Variants in DNAJC25 observed in about 807,000 individuals in gnomAD.
DNAJC25 encodes the protein dnaJ homolog subfamily C member 25.
A neutral mutation model predicts 42.1 loss-of-function variants in DNAJC25; 26 were observed. That is an observed-to-expected ratio of 0.62 (90% CI 0.45 to 0.86). DNAJC25 has a LOEUF of 0.86. DNAJC25 is among the 40% of genes least tolerant of loss of function. DNAJC25 has a pLI of 0.00. For missense variants in DNAJC25, 404 were observed against 459.4 expected (o/e 0.88, Z 1.10); for synonymous variants, 189 against 179.9 (o/e 1.05, Z -0.40).
chr9:111,640,858 G>T (rs1830445141), intron 1 of DNAJC25, among the ~76,000 whole-genome samples: 1 of 116,508 alleles, frequency 8.6e-6, no homozygotes, highest in Admixed American at 8.9e-5. Flanking sequence ...CCCCCGCCCG[G>T]CCAGCCGCCC....
intron 1 of DNAJC25, among the ~76,000 whole-genome samples, chr9:111,638,513 AT>A (rs147422124): frequency 0.027 from 4,058 of 152,098 alleles, 176 homozygotes; most frequent in African/African-American, 0.093. Flanking sequence ...ATAGCTAGTA[AT>A]TTTTTTTCTT....
intron 1 of DNAJC25, among the ~76,000 whole-genome samples, chr9:111,640,495 A>G (rs1259282064): frequency 7.0e-5 from 5 of 71,370 alleles, no homozygotes; most frequent in African/African-American, 1.3e-4. Context: ...GCCTCTTCCC[A>G]GCCGCCATCA....
chr9:111,644,598 C>T (rs79555648), intron 1 of DNAJC25, among the ~76,000 whole-genome samples: 40 of 152,214 alleles, frequency 2.6e-4, no homozygotes, highest in African/African-American at 9.4e-4. Flanking sequence ...TGCAGACAGC[C>T]GGGGCAAAGG....
At chr9:111,632,294 TTA>T (rs1830295678) in intron 1 of DNAJC25, among the ~76,000 whole-genome samples, 1 of 118,898 alleles carries the variant, frequency 8.4e-6, no homozygotes, top group Non-Finnish European at 2.0e-5. Context: ...GGATAGTGAC[TTA>T]TTATGTTGAA....
chr9:111,653,200 G>A lies in DNAJC25; in HGVS notation c.1061G>A (p.Arg354Gln), dbSNP rs752483698. The A allele has an allele frequency of 9.5e-6, 15 of 1,583,546 alleles. No individual in the cohort carries two copies. Among genetic ancestry groups the A allele is most frequent in the Admixed American group, 5.3e-5 (3 of 56,742 alleles). ...TGGATGAAGAATGAAGGGCCTGGGC[G>A]GTTAACATTTGTGGATGACTGAAGA... is the stretch of plus-strand genomic sequence containing the variant. ...RRWMKNEGPG[R>Q]LTFVDD The change falls in exon 4 of 4, where the codon CGG (arginine) becomes CAG (glutamine). Residue 354 changes from arginine to glutamine, a missense_variant. Coordinates refer to ENST00000313525, the MANE Select transcript of DNAJC25 (RefSeq NM_001015882.3).
intron 1 of DNAJC25, among the ~76,000 whole-genome samples, chr9:111,639,464 G>A (rs1222442771): frequency 6.6e-6 from 1 of 152,176 alleles, no homozygotes; most frequent in Non-Finnish European, 1.5e-5. Flanking sequence ...TTACTAGTAT[G>A]TAGGTAATAT....
rs1830460833 is a variant in DNAJC25, at chr9:111,641,381, C to T, written c.337-5726C>T. On this transcript the variant is annotated intron_variant, in intron 1 of 3. Transcript: ENST00000313525. ...GGGGTCAGCCCCCCGCCCGGCCAGC[C>T]GCCCTGTCTGGGAGGGAGGTGGGGG... Among the ~76,000 whole-genome samples, 4 of 144,200 alleles carry T rather than the reference C, an allele frequency of 2.8e-5. No individual in the cohort carries two copies. In the South Asian group the frequency reaches 6.7e-4, roughly 24 times the overall value. The allele number at this position is 144,200 out of a possible 152,430, so 94.6% of individuals were successfully genotyped here. A position where few individuals can be genotyped will look rare whatever the true frequency, so the allele number is the denominator to read the frequency against.
chr9:111,646,316 T>C (rs1375136118), intron 1 of DNAJC25, among the ~76,000 whole-genome samples: 1 of 152,206 alleles, frequency 6.6e-6, no homozygotes, highest in Non-Finnish European at 1.5e-5. Context: ...TCAGAGAATA[T>C]ATTTTTTTAA....
At chr9:111,645,788 T>TA (rs1044334656) in intron 1 of DNAJC25, among the ~76,000 whole-genome samples, 4 of 147,892 alleles carry the variant, frequency 2.7e-5, no homozygotes, top group Admixed American at 2.6e-4. Flanking sequence ...TCCTCTAAGA[T>TA]AAAAAAAACT....
intron 1 of DNAJC25, among the ~76,000 whole-genome samples, chr9:111,640,856 C>T (rs1830445058): frequency 1.6e-5 from 2 of 122,172 alleles, no homozygotes; most frequent in Non-Finnish European, 1.7e-5. Flanking sequence ...GCCCCCCGCC[C>T]GGCCAGCCGC....
intron 1 of DNAJC25, among the ~76,000 whole-genome samples, chr9:111,646,548 A>G (rs1447096558): frequency 6.6e-6 from 1 of 152,288 alleles, no homozygotes; most frequent in East Asian, 1.9e-4. Flanking sequence ...GTGAATGAAG[A>G]AGGAGGAGGC....
At chr9:111,637,627 C>T (rs1007976219) in intron 1 of DNAJC25, among the ~76,000 whole-genome samples, 1 of 152,148 alleles carries the variant, frequency 6.6e-6, no homozygotes, top group Non-Finnish European at 1.5e-5. Context: ...ACTTTCTCAT[C>T]TCCCTTTCAT....
intron 3 of DNAJC25, among the ~76,000 whole-genome samples, chr9:111,650,155 T>C (rs1273770273): frequency 2.0e-5 from 3 of 152,214 alleles, no homozygotes; most frequent in Non-Finnish European, 2.9e-5. Context: ...AATCAACAAA[T>C]TATGAAAACG....
chr9:111,633,871 A>G (rs1293704030), intron 1 of DNAJC25, among the ~76,000 whole-genome samples: 1 of 152,244 alleles, frequency 6.6e-6, no homozygotes, highest in Non-Finnish European at 1.5e-5. Flanking sequence ...TAGATAAAAT[A>G]AGTGATCCAC....
intron 1 of DNAJC25, among the ~76,000 whole-genome samples, chr9:111,631,980 T>C (rs757499551): frequency 6.6e-5 from 10 of 152,264 alleles, no homozygotes; most frequent in Non-Finnish European, 1.0e-4. Context: ...GTGACATTGT[T>C]ATGCAAAACT....
At chr9:111,632,361 T>C (rs1317992050) in intron 1 of DNAJC25, among the ~76,000 whole-genome samples, 2 of 152,224 alleles carry the variant, frequency 1.3e-5, no homozygotes, top group African/African-American at 2.4e-5. Flanking sequence ...CTCAGAGTTA[T>C]TATGGGGATT....
At position 111,649,491 on chromosome 9, in the gene DNAJC25, C is replaced by G; in HGVS notation, c.528C>G (p.Ser176Arg). 6.2e-7 allele frequency: 1 copy of G among 1,602,358 alleles called. No individual in the cohort carries two copies. The highest frequency in any genetic ancestry group is 8.5e-7 in the Non-Finnish European group (1 of 1,176,628). ...SWWNSYNKAI[S>R]YLATVPKYRI... is the part of the protein sequence containing the mutation. ...GGAATAGCTACAATAAGGCAATCAG[C>G]TACCTAGCCACAGTGCCCAAGTACC... Residue 176 changes from serine (S) to arginine (R), a missense_variant, in exon 3 of 4, where the codon AGC becomes AGG. By Grantham distance (110) the Ser-to-Arg change is moderately radical (BLOSUM62 -1). Coordinates refer to ENST00000313525, the MANE Select transcript of DNAJC25 (RefSeq NM_001015882.3).
At chr9:111,641,196 C>A (rs1409822725) in intron 1 of DNAJC25, among the ~76,000 whole-genome samples, 34 of 127,424 alleles carry the variant, frequency 2.7e-4, no homozygotes, top group Non-Finnish European at 3.2e-4. Context: ...AGCCCCCCGC[C>A]TGGCCAGCCG....
intron 2 of DNAJC25, among the ~76,000 whole-genome samples, chr9:111,649,119 T>G (rs1830609674): frequency 6.6e-6 from 1 of 152,138 alleles, no homozygotes; most frequent in Non-Finnish European, 1.5e-5. Flanking sequence ...GAAAAAAAAT[T>G]TTTTAAAGTG....
Sources: allele counts gnomAD v4.1 joint callset (sites outside exome capture counted in the v4.1 genomes callset), GRCh38; gene constraint gnomAD v4.1.1; transcripts MANE v1.5; gene names NCBI Gene and HGNC (gene_info 2026-07-23, HGNC 2026-07-21).